The following PLCB4 variants were observed in gnomAD, a reference collection of about 807,000 sequenced individuals.
PLCB4 encodes phospholipase C beta 4.
Under a neutral mutation model 178.8 loss-of-function variants are expected in PLCB4, and 77 were observed. The ratio of observed to expected loss-of-function variants is 0.43; its 90% confidence interval spans 0.36 to 0.52. The LOEUF (loss-of-function observed/expected upper bound fraction) is 0.52. Ranked by LOEUF, PLCB4 falls within the 20% of genes least tolerant of loss-of-function variation. PLCB4 has a pLI of 0.00. For synonymous variants in PLCB4, 496 were observed against 490.8 expected (o/e 1.01, Z -0.14); for missense variants, 1,024 against 1,453.4 (o/e 0.70, Z 4.80).
rs115515092 is a variant in PLCB4, at chr20:9,344,704, C to T, written c.369+5667C>T. Among the ~76,000 whole-genome samples the T allele has an allele frequency of 2.3e-3, 345 of 152,152 alleles. 1 individual carries two copies. The highest frequency in any genetic ancestry group is 7.9e-3 in the African/African-American group (326 of 41,498). On this transcript the variant is annotated intron_variant, in intron 7 of 39. Transcript: ENST00000378473. ...AAGGAAAGACAGAACTCTGGGATCCCGTGTGTTATTTTTAGAGCCACATTT... is the reference window on the plus strand; with the variant it reads ...AAGGAAAGACAGAACTCTGGGATCCTGTGTGTTATTTTTAGAGCCACATTT...
At chr20:9,365,395 C>A in intron 8 of PLCB4, 66 bp from the exon 9 acceptor site, 2 of 967,968 alleles carry the variant, frequency 2.1e-6, no homozygotes, top group South Asian at 1.4e-5. Context: ...TTTTAAAGTT[C>A]TTAACAGAAT....
At chr20:9,362,153 T>C (rs1378698774) in intron 7 of PLCB4, among the ~76,000 whole-genome samples, 2 of 152,216 alleles carry the variant, frequency 1.3e-5, no homozygotes, top group Admixed American at 6.5e-5. Flanking sequence ...GGTATGATTC[T>C]TCTATGGCAT....
At chr20:9,442,193 A>G (rs566801633) in intron 30 of PLCB4, among the ~76,000 whole-genome samples, 23 of 152,342 alleles carry the variant, frequency 1.5e-4, no homozygotes, top group African/African-American at 5.3e-4. Context: ...TTAACAATTA[A>G]CTTAAAAGTT....
chr20:9,315,959 A>G (rs2094894317), intron 4 of PLCB4, among the ~76,000 whole-genome samples: 1 of 152,076 alleles, frequency 6.6e-6, no homozygotes, highest in Admixed American at 6.6e-5. Context: ...TTAAAAAAAA[A>G]GAGCCAGTTT....
At chr20:9,270,923 G>T (rs2094396663) in intron 3 of PLCB4, among the ~76,000 whole-genome samples, 1 of 152,018 alleles carries the variant, frequency 6.6e-6, no homozygotes, top group Non-Finnish European at 1.5e-5. Context: ...TGAAAAGATG[G>T]ACTCATTTTT....
At chr20:9,072,200 A>T (rs953513647) in intron 1 of PLCB4, among the ~76,000 whole-genome samples, 2 of 152,174 alleles carry the variant, frequency 1.3e-5, no homozygotes, top group African/African-American at 4.8e-5. Context: ...TGGTTTTCAG[A>T]TGTGAACTGT....
chr20:9,441,195 C>T (rs1287433909), intron 30 of PLCB4, among the ~76,000 whole-genome samples: 1 of 152,106 alleles, frequency 6.6e-6, no homozygotes, highest in African/African-American at 2.4e-5. Flanking sequence ...TAAAAGGACA[C>T]ATGTGGAGGT....
At chr20:9,435,225 A>G (rs2041687072) in intron 28 of PLCB4, among the ~76,000 whole-genome samples, 1 of 152,220 alleles carries the variant, frequency 6.6e-6, no homozygotes, top group Admixed American at 6.5e-5. Context: ...GACATTAATC[A>G]ACTTGCTGAA....
intron 1 of PLCB4, among the ~76,000 whole-genome samples, chr20:9,076,162 G>A (rs539944824): frequency 6.6e-6 from 1 of 152,118 alleles, no homozygotes; most frequent in Non-Finnish European, 1.5e-5. Flanking sequence ...GTTTCATGGT[G>A]CTCCTTTAAA....
chr20:9,157,555 A>G (rs1164050024), intron 2 of PLCB4, among the ~76,000 whole-genome samples: 1 of 152,074 alleles, frequency 6.6e-6, no homozygotes, highest in African/African-American at 2.4e-5. Flanking sequence ...AGTGCACTTG[A>G]TTTTCTCATT....
intron 2 of PLCB4, among the ~76,000 whole-genome samples, chr20:9,124,742 A>G (rs2092066335): frequency 6.6e-6 from 1 of 152,156 alleles, no homozygotes; most frequent in Admixed American, 6.5e-5. Flanking sequence ...CCAATTCACA[A>G]ACTCCCTTGG....
rs982202737 is a variant in PLCB4, at chr20:9,085,624, A to G, written c.-134-10663A>G. 2.0e-5 allele frequency among the ~76,000 whole-genome samples: 3 copies of G among 152,154 alleles called. No individual in the cohort carries two copies. The South Asian group carries it at 6.2e-4, about 32-fold the overall frequency. On this transcript the variant is annotated intron_variant, in intron 1 of 39. Coordinates refer to ENST00000378473, the MANE Select transcript of PLCB4 (RefSeq NM_001377142.1). ...CTTACTTTTAAATTCTGCCTTATATAAGGCAGCATAAGTGGGCATTACTGC... is the reference window on the plus strand; with the variant it reads ...CTTACTTTTAAATTCTGCCTTATATGAGGCAGCATAAGTGGGCATTACTGC...
At chr20:9,289,680 G>A (rs879593927) in intron 3 of PLCB4, among the ~76,000 whole-genome samples, 1 of 151,974 alleles carries the variant, frequency 6.6e-6, no homozygotes, top group Non-Finnish European at 1.5e-5. Flanking sequence ...TCTTTAGAGT[G>A]TTTTTTTACT....
chr20:9,362,160 G>T (rs1464655523), intron 7 of PLCB4, among the ~76,000 whole-genome samples: 1 of 152,166 alleles, frequency 6.6e-6, no homozygotes, highest in Non-Finnish European at 1.5e-5. Flanking sequence ...TTCTTCTATG[G>T]CATTCATTGG....
rs558716335 is a variant in PLCB4, at chr20:9,337,479, G to A, written c.165+273G>A. On this transcript the variant is annotated intron_variant, in intron 5 of 39. Transcript: ENST00000378473. ...AAAGAGAACACTGGATTGTCAAAGA[G>A]CTTAATTTAATCTTGGGAGTTAGAA... Among the ~76,000 whole-genome samples the A allele has an allele frequency of 7.1e-4, 108 of 152,268 alleles. 1 individual carries two copies. Among genetic ancestry groups the A allele is most frequent in the Middle Eastern group, 6.8e-3 (2 of 294 alleles).
chr20:9,213,955 G>T (rs2093701073), intron 2 of PLCB4, among the ~76,000 whole-genome samples: 1 of 152,104 alleles, frequency 6.6e-6, no homozygotes, highest in African/African-American at 2.4e-5. Flanking sequence ...GTCTATTCAG[G>T]TCATTTGCCC....
chr20:9,317,791 A>G (rs535212989), intron 4 of PLCB4, among the ~76,000 whole-genome samples: 1 of 152,336 alleles, frequency 6.6e-6, no homozygotes, highest in East Asian at 1.9e-4. Flanking sequence ...AAGAAAGAAC[A>G]TGGCATTGTA....
At chr20:9,280,893 G>A (rs1289382858) in intron 3 of PLCB4, among the ~76,000 whole-genome samples, 1 of 149,248 alleles carries the variant, frequency 6.7e-6, no homozygotes, top group African/African-American at 2.5e-5. Flanking sequence ...TTATAGTTCA[G>A]CAAAGGAAGG....
intron 2 of PLCB4, among the ~76,000 whole-genome samples, chr20:9,127,662 CTAT>C (rs1230486429): frequency 1.3e-5 from 2 of 151,570 alleles, no homozygotes; most frequent in African/African-American, 4.8e-5. Context: ...ATCTATCTAT[CTAT>C]CTATCTATCT....
Sources: gnomAD v4.1 joint callset for allele counts (sites outside exome capture counted in the v4.1 genomes callset) on GRCh38, gnomAD v4.1.1 for gene constraint, MANE v1.5 for transcripts, NCBI Gene and HGNC (gene_info 2026-07-23, HGNC 2026-07-21) for gene names.